The following NOX4 variants were observed in gnomAD, a reference collection of about 807,000 sequenced individuals.
The protein encoded by NOX4 is kidney oxidase-1.
Under a neutral mutation model 87.6 loss-of-function variants are expected in NOX4, and 69 were observed. That is an observed-to-expected ratio of 0.79 (90% CI 0.65 to 0.96). The LOEUF is 0.96. Among genes scored for constraint, NOX4 ranks in the 40% least tolerant of loss-of-function variants. NOX4 has a pLI of 0.00. For synonymous variants in NOX4, 275 were observed against 238.2 expected (o/e 1.15, Z -1.42); for missense variants, 680 against 681.5 (o/e 1.00, Z 0.02).
chr11:89,327,341 A>G (rs1426945296), intron 17 of NOX4, among the ~76,000 whole-genome samples: 6 of 152,246 alleles, frequency 3.9e-5, no homozygotes, highest in Non-Finnish European at 8.8e-5. Flanking sequence ...TTGCAAAAGC[A>G]GCGATGAATA....
chr11:89,434,680 A>G (rs1051296312), intron 6 of NOX4, among the ~76,000 whole-genome samples: 9 of 152,102 alleles, frequency 5.9e-5, no homozygotes, highest in African/African-American at 2.2e-4. Flanking sequence ...ACTTATTTTT[A>G]ACAGTCAAAG....
chr11:89,532,122 C>T, the NOX4 span, among the ~76,000 whole-genome samples: 5 of 152,322 alleles, frequency 3.3e-5, no homozygotes, highest in East Asian at 9.7e-4. Flanking sequence ...GGGGTTTGAG[C>T]TCCCACACAA....
chr11:89,398,969 T>G (rs1482248483), intron 11 of NOX4, among the ~76,000 whole-genome samples: 1 of 151,960 alleles, frequency 6.6e-6, no homozygotes, highest in Non-Finnish European at 1.5e-5. Context: ...TAGAAACTCA[T>G]GTATGCAGAA....
At chr11:89,370,083 C>A (rs929688665) in intron 12 of NOX4, among the ~76,000 whole-genome samples, 6 of 151,896 alleles carry the variant, frequency 4.0e-5, no homozygotes, top group African/African-American at 1.4e-4. Context: ...TTAACTAAAC[C>A]TATATTTAAG....
intron 2 of NOX4, among the ~76,000 whole-genome samples, chr11:89,467,360 A>AG (rs1945746849): frequency 6.9e-6 from 1 of 145,284 alleles, no homozygotes; most frequent in African/African-American, 2.8e-5. Flanking sequence ...AAAAAAAAAA[A>AG]AAAAAAAAAA....
the NOX4 span, among the ~76,000 whole-genome samples, chr11:89,561,872 G>A: frequency 6.6e-6 from 1 of 152,154 alleles, no homozygotes; most frequent in Non-Finnish European, 1.5e-5. Flanking sequence ...GTGGGAAATT[G>A]AGCAGCGGCC....
the NOX4 span, among the ~76,000 whole-genome samples, chr11:89,504,835 ATCT>A: frequency 2.6e-5 from 4 of 151,944 alleles, no homozygotes; most frequent in South Asian, 2.1e-4. Context: ...TGTTAGAAAG[ATCT>A]TCTTGATACT....
At chr11:89,457,912 C>T (rs1377607039) in intron 2 of NOX4, among the ~76,000 whole-genome samples, 2 of 151,688 alleles carry the variant, frequency 1.3e-5, no homozygotes, top group South Asian at 2.1e-4. Flanking sequence ...AGAAATAACA[C>T]AAACAAATGA....
chr11:89,380,397 T>C (rs1940191830), intron 11 of NOX4, among the ~76,000 whole-genome samples: 1 of 152,256 alleles, frequency 6.6e-6, no homozygotes. Flanking sequence ...CTGCTGAACC[T>C]GGACATTTTT....
the NOX4 span, among the ~76,000 whole-genome samples, chr11:89,516,299 G>A: frequency 6.6e-6 from 1 of 152,024 alleles, no homozygotes; most frequent in African/African-American, 2.4e-5. Context: ...GAAATTCAAA[G>A]AGGTAAGAAA....
At chr11:89,429,695 C>A (rs1308422835) in intron 7 of NOX4, among the ~76,000 whole-genome samples, 2 of 152,028 alleles carry the variant, frequency 1.3e-5, no homozygotes, top group Non-Finnish European at 1.5e-5. Context: ...CAATAACAGG[C>A]TCTGAAATTG....
intron 2 of NOX4, among the ~76,000 whole-genome samples, chr11:89,464,481 A>C (rs943715512): frequency 1.3e-5 from 2 of 152,220 alleles, no homozygotes; most frequent in Non-Finnish European, 2.9e-5. Flanking sequence ...TTATCTAGTT[A>C]CTACATGAGC....
chr11:89,425,403 A>C (rs1345390225), intron 7 of NOX4, among the ~76,000 whole-genome samples: 1 of 149,384 alleles, frequency 6.7e-6, no homozygotes, highest in Non-Finnish European at 1.5e-5. Context: ...TTCAAAATTG[A>C]AATACCAAAA....
chr11:89,572,777 T>A, the NOX4 span, among the ~76,000 whole-genome samples: 2 of 152,168 alleles, frequency 1.3e-5, no homozygotes, highest in African/African-American at 4.8e-5. Flanking sequence ...TTTACATATA[T>A]CTCTTAAATA....
chr11:89,548,805 T>C, the NOX4 span: 1 of 152,168 alleles, frequency 6.6e-6, no homozygotes, highest in African/African-American at 2.4e-5. Context: ...CACTAGAGAA[T>C]AGTATTTCTT....
chr11:89,399,539 A>T (rs567129294), intron 11 of NOX4, among the ~76,000 whole-genome samples: 1 of 146,994 alleles, frequency 6.8e-6, no homozygotes, highest in Non-Finnish European at 1.5e-5. Flanking sequence ...TCAAGGCTCA[A>T]TGAAACTTCA....
Position 89,402,350 on chromosome 11 carries a change from G to C in NOX4, c.822C>G (p.Pro274=). 6.2e-7 allele frequency: 1 copy of C among 1,612,976 alleles called. No homozygotes were observed. The highest frequency in any genetic ancestry group is 1.1e-5 in the South Asian group (1 of 90,940). Residue 274 remains proline, a synonymous_variant, in exon 9 of 18, where the codon CCC becomes CCG. Transcript: ENST00000263317. The part of the protein sequence containing the change: ...HKFVKICMEE[P]RFQANFPQTW... ...CCTGTGGAAAATTAGCTTGGAATCT[G>C]GGCTCTTCCATACAAATCTTCACAA...
chr11:89,565,786 T>C, the NOX4 span, among the ~76,000 whole-genome samples: 1 of 152,024 alleles, frequency 6.6e-6, no homozygotes, highest in Admixed American at 6.5e-5. Context: ...CCATAAATGA[T>C]TATTGCATTT....
Position 89,432,770 on chromosome 11 carries a change from A to C in NOX4, c.548+14T>G, listed in dbSNP as rs1483108014. ...TGACAGATACACATCAAAATAATTGATTCTGACACTTACCTTATTGCATAT... is the reference window on the plus strand; with the variant it reads ...TGACAGATACACATCAAAATAATTGCTTCTGACACTTACCTTATTGCATAT... On this transcript the variant is annotated intron_variant, in intron 7 of 17. Transcript: ENST00000263317. The C allele has an allele frequency of 6.3e-7, 1 of 1,578,730 alleles. No homozygotes were observed. Among genetic ancestry groups the C allele is most frequent in the East Asian group, 2.3e-5 (1 of 44,294 alleles).
Sources: gnomAD v4.1 joint callset for allele counts (sites outside exome capture counted in the v4.1 genomes callset) on GRCh38, gnomAD v4.1.1 for gene constraint, MANE v1.5 for transcripts, NCBI Gene and HGNC (gene_info 2026-07-23, HGNC 2026-07-21) for gene names.